NME8: variants seen among roughly 807,000 people sequenced by gnomAD.
The protein encoded by NME8 is NME/NM23 family member 8.
A neutral mutation model predicts 82.3 loss-of-function variants in NME8; 72 were observed. The ratio of observed to expected loss-of-function variants is 0.87; its 90% confidence interval spans 0.72 to 1.06. The LOEUF (loss-of-function observed/expected upper bound fraction) is 1.06, where lower values mean the gene tolerates loss of function less well. NME8 is among the 50% of genes least tolerant of loss of function. The pLI, the probability that NME8 is intolerant of heterozygous loss-of-function variation, is 0.00. For missense variants in NME8, 712 were observed against 685.4 expected (o/e 1.04, Z -0.43); for synonymous variants, 267 against 228.5 (o/e 1.17, Z -1.52).
At chr7:37,859,960 A>G (rs1318426532) in intron 6 of NME8, among the ~76,000 whole-genome samples, 1 of 152,204 alleles carries the variant, frequency 6.6e-6, no homozygotes, top group African/African-American at 2.4e-5. Flanking sequence ...TTTTATTCAG[A>G]TATTCCCTCA....
chr7:37,871,146 C>T (rs1295648003), intron 11 of NME8, among the ~76,000 whole-genome samples: 1 of 152,074 alleles, frequency 6.6e-6, no homozygotes, highest in Non-Finnish European at 1.5e-5. Context: ...ATTGGTGACC[C>T]CTCTGCGTAC....
At chr7:37,855,948 A>C (rs553474243) in intron 5 of NME8, among the ~76,000 whole-genome samples, 11 of 151,698 alleles carry the variant, frequency 7.3e-5, no homozygotes, top group Admixed American at 5.3e-4. Context: ...AAAAAAAAAA[A>C]CCCAATTACT....
At chr7:37,898,903 T>C (rs1785272027) in intron 17 of NME8, among the ~76,000 whole-genome samples, 1 of 152,032 alleles carries the variant, frequency 6.6e-6, no homozygotes, top group Non-Finnish European at 1.5e-5. Flanking sequence ...ATAAAAAAAA[T>C]AGTAACAAAA....
chr7:37,867,446 C>T (rs979742785), intron 10 of NME8, among the ~76,000 whole-genome samples: 19 of 152,084 alleles, frequency 1.2e-4, no homozygotes, highest in African/African-American at 4.6e-4. Context: ...TTACCCTGCT[C>T]TGGTTATTAT....
chr7:37,865,675 G>C, intron 10 of NME8, 58 bp downstream of exon 10: 1 of 1,177,370 alleles, frequency 8.5e-7, no homozygotes, highest in Non-Finnish European at 1.3e-6. Context: ...GCCTCCATAA[G>C]CTTTAAATCT....
chr7:37,856,784 G>T (rs1784518641), intron 5 of NME8, among the ~76,000 whole-genome samples: 1 of 152,128 alleles, frequency 6.6e-6, no homozygotes, highest in Non-Finnish European at 1.5e-5. Flanking sequence ...AGGGAGATGA[G>T]ATACAAACGT....
chr7:37,850,417 C>A lies in NME8; in HGVS notation c.73C>A (p.Gln25Lys), dbSNP rs750630112. 5.0e-6 allele frequency: 8 copies of A among 1,613,988 alleles called. No homozygotes were observed. The African/African-American group carries it at 1.1e-4, about 22-fold the overall frequency. Residue 25 changes from glutamine (Q) to lysine (K), a missense_variant, in exon 4 of 18, where the codon CAG becomes AAG. Transcript: ENST00000199447. ...TCAAAGCCTGTGGGATGAGATGTTG[C>A]AGAACAAAGGCTTAACAGGTATAAG... ...NNQSLWDEMLQNKGLTVIDVY... is the reference protein window; with the variant it reads ...NNQSLWDEMLKNKGLTVIDVY...
chr7:37,851,246 A>G (rs1784434981), intron 5 of NME8, among the ~76,000 whole-genome samples: 1 of 152,222 alleles, frequency 6.6e-6, no homozygotes, highest in Admixed American at 6.5e-5. Flanking sequence ...AACTAATTAG[A>G]ATTTCGTTGT....
At chr7:37,865,454 A>G (rs1235203506) in intron 9 of NME8, 71 bp from the exon 10 acceptor site, 1 of 1,115,336 alleles carries the variant, frequency 9.0e-7, no homozygotes, top group Non-Finnish European at 1.4e-6. Flanking sequence ...TGTTAAGCCC[A>G]AAAAACAAAC....
At chr7:37,881,711 A>C (rs1784948365) in intron 12 of NME8, among the ~76,000 whole-genome samples, 1 of 152,212 alleles carries the variant, frequency 6.6e-6, no homozygotes, top group Non-Finnish European at 1.5e-5. Flanking sequence ...AAAAAAATAA[A>C]TTGTTTCCAG....
chr7:37,863,337 A>C (rs530071353), intron 7 of NME8, 59 bp from the exon 8 acceptor site: 1 of 1,001,174 alleles, frequency 1.0e-6, no homozygotes, highest in East Asian at 2.4e-5. Context: ...CTAAAAACCC[A>C]CTCACTATCA....
chr7:37,867,454 T>C (rs1784703259), intron 10 of NME8, among the ~76,000 whole-genome samples: 1 of 152,136 alleles, frequency 6.6e-6, no homozygotes, highest in African/African-American at 2.4e-5. Context: ...CTCTGGTTAT[T>C]ATACATTTTC....
Position 37,894,626 on chromosome 7 carries a change from A to T in NME8, c.1544+16A>T, listed in dbSNP as rs1785190809. 2 of 1,571,992 alleles carry T rather than the reference A, an allele frequency of 1.3e-6. No individual in the cohort carries two copies. Among genetic ancestry groups the T allele is most frequent in the Non-Finnish European group, 1.7e-6 (2 of 1,145,480 alleles). On this transcript the variant is annotated intron_variant, in intron 16 of 17. Coordinates refer to ENST00000199447, the MANE Select transcript of NME8 (RefSeq NM_016616.5). Reference sequence around the variant, plus strand: ...TGTTATCTGTGTAAGTTTCTGATACATAATTGTTTGCATTATAAAAGTGGT... The same window carrying T: ...TGTTATCTGTGTAAGTTTCTGATACTTAATTGTTTGCATTATAAAAGTGGT...
rs535774186 is a variant in NME8 at position 37,894,863 on chromosome 7, TCCTTC to T, written c.1544+268_1544+272del. 3.9e-3 allele frequency among the ~76,000 whole-genome samples: 588 copies of T among 151,580 alleles called. 6 individuals are homozygous for T. The highest frequency in any genetic ancestry group is 0.015 in the South Asian group (71 of 4,782). The stretch of plus-strand genomic sequence containing the variant: ...TCCTTCCTACTTTCCTTTCTCCCTT[TCCTTC>T]CCTTCCCTTCCCTTTCCTTTCCTTT... On this transcript the variant is annotated intron_variant, in intron 16 of 17. Transcript: ENST00000199447.
rs766645748 is a variant in NME8, at chr7:37,865,560, T to A, written c.564T>A (p.His188Gln). ...CTGGATTTATTATAGAAGCAGAGCA[T>A]AAGACAGTGCTCACTGAAGAACAAG... ...TKAGFIIEAE[H>Q]KTVLTEEQVV... The change falls in exon 10 of 18, where the codon CAT (histidine) becomes CAA (glutamine). Residue 188 changes from histidine (H) to glutamine (Q), a missense_variant. Physicochemically the swap from His to Gln is conservative, Grantham distance 24 (BLOSUM62 0). Transcript: ENST00000199447. 6 of 1,613,236 alleles carry A rather than the reference T, an allele frequency of 3.7e-6. No individual in the cohort carries two copies. Among genetic ancestry groups the A allele is most frequent in the Non-Finnish European group, 4.2e-6 (5 of 1,179,390 alleles).
In NME8 at chr7:37,882,555, G is replaced by GAAAT. The variant is rs1218274926; in HGVS notation, c.995-1745_995-1744insTAAA. Among the ~76,000 whole-genome samples the GAAAT allele has an allele frequency of 3.3e-4, 6 of 18,186 alleles. No homozygotes were observed. The South Asian group carries it at 0.015, about 46-fold the overall frequency. 11.9% of individuals were successfully genotyped at this position (18,186 alleles called of 152,430 possible). ...GGAGAGAGGGAGGAAGGGAAAGAAA[G>GAAAT]AAAGAAAGAAAGAAAGAAAGAAAGA... On this transcript the variant is annotated intron_variant, in intron 12 of 17. Coordinates refer to ENST00000199447, the MANE Select transcript of NME8 (RefSeq NM_016616.5).
intron 15 of NME8, among the ~76,000 whole-genome samples, chr7:37,893,155 A>T (rs1785158266): frequency 6.6e-6 from 1 of 152,058 alleles, no homozygotes; most frequent in Admixed American, 6.6e-5. Flanking sequence ...GTTTGTCTTG[A>T]ACGTTAACCT....
Position 37,857,272 on chromosome 7 carries a change from A to G in NME8, c.199-2A>G. 2 of 1,606,962 alleles carry G rather than the reference A, an allele frequency of 1.2e-6. No homozygotes were observed. The highest frequency in any genetic ancestry group is 1.7e-6 in the Non-Finnish European group (2 of 1,174,648). On this transcript the variant is annotated splice_acceptor_variant, in intron 5 of 17. Transcript: ENST00000199447. LOFTEE classifies it high-confidence loss of function. Reference sequence around the variant, plus strand: ...ATTATATGAAATGTTTACTTTTTCCAGGCAGAAGCTGACAACATTGTGACT... The same window carrying G: ...ATTATATGAAATGTTTACTTTTTCCGGGCAGAAGCTGACAACATTGTGACT...
Position 37,885,140 on chromosome 7 carries a change from A to G in NME8, c.1140-5A>G. On this transcript the variant is annotated splice_polypyrimidine_tract_variant and splice_region_variant and intron_variant, in intron 13 of 17. Transcript: ENST00000199447. ...TTACCTCTTCTTTGTTTTCTTTTCT[A>G]ATAGTGGTCCATCTCTAGCCCTTGT... is the stretch of plus-strand genomic sequence containing the variant. 6.3e-7 allele frequency: 1 copy of G among 1,592,522 alleles called. No individual in the cohort carries two copies. Among genetic ancestry groups the G allele is most frequent in the South Asian group, 1.1e-5 (1 of 90,510 alleles).
Sources: allele counts gnomAD v4.1 joint callset (sites outside exome capture counted in the v4.1 genomes callset), GRCh38; gene constraint gnomAD v4.1.1; transcripts MANE v1.5; gene names NCBI Gene and HGNC (gene_info 2026-07-23, HGNC 2026-07-21).